Variants in DTWD2 observed in about 807,000 individuals in gnomAD.
DTWD2 encodes the protein DTW motif tRNA-uridine aminocarboxypropyltransferase 2.
A neutral mutation model predicts 31.8 loss-of-function variants in DTWD2; 39 were observed. The observed-to-expected ratio is 1.22, with a 90% CI of 0.95 to 1.60. DTWD2 has a LOEUF of 1.60. Among genes scored for constraint, DTWD2 ranks in the 40% most tolerant of loss-of-function variants. DTWD2 has a pLI of 0.00. For missense variants in DTWD2, 515 were observed against 381.5 expected (o/e 1.35, Z -2.92); for synonymous variants, 180 against 142.8 (o/e 1.26, Z -1.86).
intron 1 of DTWD2, among the ~76,000 whole-genome samples, chr5:118,961,582 G>A (rs1051049454): frequency 3.3e-5 from 5 of 152,076 alleles, no homozygotes; most frequent in East Asian, 1.9e-4. Flanking sequence ...TGAGCCTGCC[G>A]GTCCTCATGT....
intron 4 of DTWD2, among the ~76,000 whole-genome samples, chr5:118,895,206 T>C (rs1753059338): frequency 6.6e-6 from 1 of 152,058 alleles, no homozygotes; most frequent in African/African-American, 2.4e-5. Flanking sequence ...GATCAGCATT[T>C]CCATATACTA....
intron 2 of DTWD2, among the ~76,000 whole-genome samples, chr5:118,943,921 C>T (rs1219654658): frequency 6.6e-6 from 1 of 152,186 alleles, no homozygotes; most frequent in Non-Finnish European, 1.5e-5. Flanking sequence ...GTTTTAACTG[C>T]ATTTTACAGC....
At chr5:118,916,463 C>T (rs1029897832) in intron 4 of DTWD2, among the ~76,000 whole-genome samples, 2 of 151,912 alleles carry the variant, frequency 1.3e-5, no homozygotes, top group African/African-American at 4.8e-5. Flanking sequence ...GTCGGGAGTT[C>T]GAGACCAGCC....
rs371597333 is a variant in DTWD2 at position 118,898,493 on chromosome 5, A to C, written c.597+30044T>G. On this transcript the variant is annotated intron_variant, in intron 4 of 5. Coordinates refer to ENST00000510708, the MANE Select transcript of DTWD2 (RefSeq NM_173666.4). ...GCCAACATGGTGAAACCCCGTCGCT[A>C]CTGAAAAAAAAAAAAATTAGCCGGG... 1.8e-4 allele frequency among the ~76,000 whole-genome samples: 27 copies of C among 151,142 alleles called. No homozygotes were observed. The East Asian group carries it at 5.3e-3, about 30-fold the overall frequency.
chr5:118,876,839 A>C (rs1415844630), intron 4 of DTWD2, among the ~76,000 whole-genome samples: 1 of 152,182 alleles, frequency 6.6e-6, no homozygotes, highest in Non-Finnish European at 1.5e-5. Flanking sequence ...ACTATTCCAA[A>C]AGATTGAGGA....
At chr5:118,958,460 AAACAACAACAAC>A (rs372346156) in intron 1 of DTWD2, among the ~76,000 whole-genome samples, 8 of 151,324 alleles carry the variant, frequency 5.3e-5, no homozygotes, top group Non-Finnish European at 1.2e-4. Context: ...TCCGTCTGAA[AAACAACAACAAC>A]AACAACAACA....
chr5:118,970,244 T>C (rs768269708), intron 1 of DTWD2, among the ~76,000 whole-genome samples: 18 of 152,264 alleles, frequency 1.2e-4, no homozygotes, highest in Non-Finnish European at 2.4e-4. Flanking sequence ...CTGGCCAACA[T>C]GGCAAAACCC....
At chr5:118,947,765 T>C (rs116602620) in intron 1 of DTWD2, among the ~76,000 whole-genome samples, 377 of 152,286 alleles carry the variant, frequency 2.5e-3, no homozygotes, top group African/African-American at 8.6e-3. Flanking sequence ...CCTGTTCCTA[T>C]CACTGGGATT....
At chr5:118,910,685 C>T (rs550340114) in intron 4 of DTWD2, among the ~76,000 whole-genome samples, 2 of 152,188 alleles carry the variant, frequency 1.3e-5, no homozygotes, top group South Asian at 4.1e-4. Context: ...AACAGCACCC[C>T]ACTTCTCAGC....
At chr5:118,930,198 C>T (rs1274758661) in intron 3 of DTWD2, among the ~76,000 whole-genome samples, 1 of 152,184 alleles carries the variant, frequency 6.6e-6, no homozygotes, top group Non-Finnish European at 1.5e-5. Flanking sequence ...GAACGTTCCC[C>T]TTGGCCCCTA....
At chr5:118,925,363 T>G (rs774973572) in intron 4 of DTWD2, among the ~76,000 whole-genome samples, 2 of 152,232 alleles carry the variant, frequency 1.3e-5, no homozygotes, top group African/African-American at 2.4e-5. Flanking sequence ...TACATTTTTA[T>G]AGTAATAGAA....
chr5:118,901,576 TACC>T (rs1409079570), intron 4 of DTWD2, among the ~76,000 whole-genome samples: 1 of 152,178 alleles, frequency 6.6e-6, no homozygotes, highest in Non-Finnish European at 1.5e-5. Context: ...TATTAGAGTA[TACC>T]ACATGGGCTT....
At chr5:118,908,908 T>C (rs1262762547) in intron 4 of DTWD2, among the ~76,000 whole-genome samples, 1 of 152,132 alleles carries the variant, frequency 6.6e-6, no homozygotes, top group Non-Finnish European at 1.5e-5. Context: ...AAAATAGCTC[T>C]AAAAGAGCTC....
intron 4 of DTWD2, among the ~76,000 whole-genome samples, chr5:118,917,838 G>C (rs925067609): frequency 6.6e-6 from 1 of 151,962 alleles, no homozygotes; most frequent in African/African-American, 2.4e-5. Context: ...AGTAGTGCGT[G>C]ACTATAATCC....
chr5:118,950,755 G>T (rs1173540856), intron 1 of DTWD2, among the ~76,000 whole-genome samples: 1 of 152,200 alleles, frequency 6.6e-6, no homozygotes, highest in Non-Finnish European at 1.5e-5. Flanking sequence ...CTGAAGATGT[G>T]GCTGGGGTTT....
chr5:118,944,573 G>A lies in DTWD2; in HGVS notation c.295C>T (p.Gln99Ter). Residue 99 changes from glutamine (Q) to a stop codon, truncating the protein, a stop_gained, in exon 2 of 6, where the codon CAG becomes TAG. Coordinates refer to ENST00000510708, the MANE Select transcript of DTWD2 (RefSeq NM_173666.4). LOFTEE classifies it high-confidence loss of function. ...CAAAATCTTACCTCTGCTGGATGCT[G>A]AATTATGTACAAGTGGGTAGAGATA... Reference protein sequence around the residue: ...LHISTHLYIIQHPAEENKVLR... With the variant: ...LHISTHLYII 3 of 1,613,284 alleles carry A rather than the reference G, an allele frequency of 1.9e-6. No individual in the cohort carries two copies. Among genetic ancestry groups the A allele is most frequent in the Non-Finnish European group, 2.5e-6 (3 of 1,179,604 alleles).
chr5:118,900,115 C>T (rs1454392180), intron 4 of DTWD2, among the ~76,000 whole-genome samples: 1 of 151,950 alleles, frequency 6.6e-6, no homozygotes, highest in Non-Finnish European at 1.5e-5. Context: ...CCAAGTCATA[C>T]TTCTTTATGT....
Position 118,928,136 on chromosome 5 carries a change from G to C in DTWD2, c.597+401C>G, listed in dbSNP as rs561022591. Among the ~76,000 whole-genome samples, 6 of 152,078 alleles carry C rather than the reference G, an allele frequency of 3.9e-5. No individual in the cohort carries two copies. The East Asian group carries it at 1.2e-3, about 29-fold the overall frequency. Reference sequence around the variant, plus strand: ...ACAAAAAGTATTTAATAAAAACTTAGTCATTCCTAGTAAGAACTAGGTAAT... The same window carrying C: ...ACAAAAAGTATTTAATAAAAACTTACTCATTCCTAGTAAGAACTAGGTAAT... On this transcript the variant is annotated intron_variant, in intron 4 of 5. Coordinates refer to ENST00000510708, the MANE Select transcript of DTWD2 (RefSeq NM_173666.4).
rs1754500988 is a variant in DTWD2 at position 118,953,055 on chromosome 5, A to G, written c.219-8406T>C. On this transcript the variant is annotated intron_variant, in intron 1 of 5. Transcript: ENST00000510708. The stretch of plus-strand genomic sequence containing the variant: ...TGTATCCCCTAGTACAGTGATTCCC[A>G]AACTTTTGCTGTTATCAGAATCACC... Among the ~76,000 whole-genome samples, 3 of 152,306 alleles carry G rather than the reference A, an allele frequency of 2.0e-5. No individual in the cohort carries two copies. The South Asian group carries it at 6.2e-4, about 32-fold the overall frequency.
Sources: gnomAD v4.1 joint callset for allele counts (sites outside exome capture counted in the v4.1 genomes callset) on GRCh38, gnomAD v4.1.1 for gene constraint, MANE v1.5 for transcripts, NCBI Gene and HGNC (gene_info 2026-07-23, HGNC 2026-07-21) for gene names.